ZNF365: variants seen among roughly 807,000 people sequenced by gnomAD.
ZNF365 encodes the protein protein ZNF365.
ZNF365 carries 22 observed loss-of-function variants against 35.0 expected under a neutral mutation model. The ratio of observed to expected loss-of-function variants is 0.63; its 90% confidence interval spans 0.45 to 0.90. The LOEUF is 0.90. Among genes scored for constraint, ZNF365 ranks in the 40% least tolerant of loss-of-function variants. The pLI, the probability that ZNF365 is intolerant of heterozygous loss-of-function variation, is 0.00. For missense variants in ZNF365, 448 were observed against 500.3 expected (o/e 0.90, Z 1.00); for synonymous variants, 188 against 196.2 (o/e 0.96, Z 0.35).
At chr10:62,464,859 C>T (rs1840907600) in intron 4 of ZNF365, among the ~76,000 whole-genome samples, 1 of 152,178 alleles carries the variant, frequency 6.6e-6, no homozygotes, top group African/African-American at 2.4e-5. Flanking sequence ...GGCGGTGGCC[C>T]ATCTGGAGTG....
chr10:62,442,537 A>G (rs1840518369), intron 3 of ZNF365, among the ~76,000 whole-genome samples: 1 of 152,144 alleles, frequency 6.6e-6, no homozygotes, highest in Non-Finnish European at 1.5e-5. Flanking sequence ...CGATGGCTTC[A>G]TTTTCTTGCT....
At chr10:62,465,125 G>A (rs918300382) in intron 4 of ZNF365, among the ~76,000 whole-genome samples, 1 of 152,214 alleles carries the variant, frequency 6.6e-6, no homozygotes, top group African/African-American at 2.4e-5. Flanking sequence ...GCCTGCTCCT[G>A]TTCCCTGGCC....
At chr10:62,477,793 A>G (rs1052937749) in intron 4 of ZNF365, among the ~76,000 whole-genome samples, 4 of 152,092 alleles carry the variant, frequency 2.6e-5, no homozygotes, top group Admixed American at 2.6e-4. Flanking sequence ...GTCTCTCAAC[A>G]CTTCTGTCCA....
chr10:62,426,035 G>A (rs1840246155), intron 3 of ZNF365, among the ~76,000 whole-genome samples: 1 of 152,094 alleles, frequency 6.6e-6, no homozygotes, highest in African/African-American at 2.4e-5. Flanking sequence ...CAGTCAAAAT[G>A]TTTTAATCCC....
At chr10:62,424,771 G>A (rs1321263776) in intron 3 of ZNF365, among the ~76,000 whole-genome samples, 1 of 152,186 alleles carries the variant, frequency 6.6e-6, no homozygotes, top group East Asian at 1.9e-4. Flanking sequence ...TGCCCCAGTT[G>A]GGGACTTACA....
chr10:62,457,249 C>G (rs1350537759), intron 3 of ZNF365, among the ~76,000 whole-genome samples: 2 of 152,176 alleles, frequency 1.3e-5, no homozygotes, highest in Non-Finnish European at 2.9e-5. Context: ...CATGACTGTA[C>G]CCCAAATCAA....
chr10:62,477,618 C>T (rs1841154581), intron 4 of ZNF365, among the ~76,000 whole-genome samples: 1 of 152,158 alleles, frequency 6.6e-6, no homozygotes, highest in African/African-American at 2.4e-5. Context: ...TGCATATGAC[C>T]TCAAGTCTTA....
At position 62,408,107 on chromosome 10, in the gene ZNF365, A is replaced by G. The variant is rs1049154339; in HGVS notation, c.924+19531A>G. Among the ~76,000 whole-genome samples the G allele has an allele frequency of 3.5e-4, 54 of 152,170 alleles. 1 individual carries two copies. The highest frequency in any genetic ancestry group is 1.3e-3 in the African/African-American group (53 of 41,410). On this transcript the variant is annotated intron_variant, in intron 3 of 4. Transcript: ENST00000395255. ...GGCACTGATCTTGGCATCCTGCTTT[A>G]CAACTTACATCTGCTTTGACTGTGG...
At chr10:62,457,847 G>A (rs1589464667) in intron 3 of ZNF365, among the ~76,000 whole-genome samples, 1 of 152,204 alleles carries the variant, frequency 6.6e-6, no homozygotes, top group African/African-American at 2.4e-5. Context: ...ACATGGGTGG[G>A]ATGTGTCAAC....
chr10:62,470,711 G>C (rs142295554), intron 4 of ZNF365, among the ~76,000 whole-genome samples: 1 of 152,116 alleles, frequency 6.6e-6, no homozygotes, highest in Admixed American at 6.6e-5. Flanking sequence ...ATTTCATTTT[G>C]TATTTTCTTG....
intron 3 of ZNF365, among the ~76,000 whole-genome samples, chr10:62,447,029 T>A (rs773663578): frequency 1.3e-5 from 2 of 152,188 alleles, no homozygotes. Flanking sequence ...TTAAAAACTA[T>A]GCAAATGTGT....
rs530139910 is a variant in ZNF365, at chr10:62,390,539, A to C, written c.924+1963A>C. On this transcript the variant is annotated intron_variant, in intron 3 of 4. Coordinates refer to ENST00000395254, the MANE Select transcript of ZNF365 (RefSeq NM_014951.3). Reference sequence around the variant, plus strand: ...GAGACATAGCCAGTCATTATTTCTCATCATGCCAAATAATGTAATCAAAAG... The same window carrying C: ...GAGACATAGCCAGTCATTATTTCTCCTCATGCCAAATAATGTAATCAAAAG... Among the ~76,000 whole-genome samples, 3 of 152,324 alleles carry C rather than the reference A, an allele frequency of 2.0e-5. No homozygotes were observed. The South Asian group carries it at 6.2e-4, about 32-fold the overall frequency.
intron 3 of ZNF365, among the ~76,000 whole-genome samples, chr10:62,395,526 T>TTG (rs1271323250): frequency 3.5e-5 from 5 of 144,650 alleles, no homozygotes; most frequent in Admixed American, 3.4e-4. Context: ...TTTTTTTTTT[T>TTG]TGTATTTTTA....
chr10:62,428,660 C>T, intron 3 of ZNF365, among the ~76,000 whole-genome samples: 1 of 152,114 alleles, frequency 6.6e-6, no homozygotes, highest in African/African-American at 2.4e-5. Context: ...AGAGGAGCTC[C>T]TTCTAGGGCA....
At chr10:62,466,240 G>A (rs894326879) in intron 4 of ZNF365, among the ~76,000 whole-genome samples, 10 of 152,314 alleles carry the variant, frequency 6.6e-5, no homozygotes, top group African/African-American at 1.4e-4. Flanking sequence ...AAGCTTTCAG[G>A]TGCCACTGCA....
At chr10:62,390,871 G>A (rs1462476543) in intron 3 of ZNF365, among the ~76,000 whole-genome samples, 1 of 152,130 alleles carries the variant, frequency 6.6e-6, no homozygotes, top group African/African-American at 2.4e-5. Context: ...AGAAGAGAAG[G>A]TACAGTAAAA....
At chr10:62,378,716 G>C (rs1839377777) in intron 2 of ZNF365, among the ~76,000 whole-genome samples, 2 of 152,212 alleles carry the variant, frequency 1.3e-5, no homozygotes, top group Admixed American at 1.3e-4. Flanking sequence ...TACACACACA[G>C]ATTCCATTTT....
chr10:62,390,900 G>A (rs1446009086), intron 3 of ZNF365, among the ~76,000 whole-genome samples: 1 of 152,186 alleles, frequency 6.6e-6, no homozygotes, highest in African/African-American at 2.4e-5. Flanking sequence ...TTTAAAAAAG[G>A]TAAGAAATAG....
intron 3 of ZNF365, among the ~76,000 whole-genome samples, chr10:62,445,308 G>A (rs972867148): frequency 1.3e-5 from 2 of 151,112 alleles, no homozygotes. Flanking sequence ...GGATGGCTGG[G>A]TCAAATGGTA....
Sources: allele counts gnomAD v4.1 joint callset (sites outside exome capture counted in the v4.1 genomes callset), GRCh38; gene constraint gnomAD v4.1.1; transcripts MANE v1.5; gene names NCBI Gene and HGNC (gene_info 2026-07-23, HGNC 2026-07-21).